The following CFI variants were observed in gnomAD, a reference collection of about 807,000 sequenced individuals.
The protein encoded by CFI is C3B/C4B inactivator.
In CFI, 66 loss-of-function variants were observed where a neutral mutation model predicts 78.8. The observed-to-expected ratio is 0.84, with a 90% CI of 0.69 to 1.03. The LOEUF is 1.03. Ranked by LOEUF, CFI falls within the 50% of genes least tolerant of loss-of-function variation. CFI has a pLI of 0.00. For synonymous variants in CFI, 250 were observed against 232.6 expected, an observed-to-expected ratio of 1.07 and a Z score of -0.68; for missense variants, 706 against 704.5, an observed-to-expected ratio of 1.00 and a Z score of -0.02.
At chr4:109,785,971 A>C (rs1265546853) in intron 1 of CFI, among the ~76,000 whole-genome samples, 1 of 151,830 alleles carries the variant, frequency 6.6e-6, no homozygotes, top group Non-Finnish European at 1.5e-5. Context: ...TTTATAAATT[A>C]CCTAGTCTTG....
intron 1 of CFI, chr4:109,794,022 T>C (rs1731721483): frequency 6.6e-6 from 1 of 152,260 alleles, no homozygotes; most frequent in Admixed American, 6.5e-5. Flanking sequence ...AGAAAGCTGC[T>C]GCTAATCTTA....
At chr4:109,796,267 C>T (rs546799848) in intron 1 of CFI, among the ~76,000 whole-genome samples, 1 of 152,116 alleles carries the variant, frequency 6.6e-6, no homozygotes, top group East Asian at 1.9e-4. Context: ...CCACTGCCAA[C>T]CAAGAATATT....
downstream of CFI, chr4:109,740,552 G>T (rs1723662463): frequency 3.0e-6 from 1 of 337,166 alleles, no homozygotes; most frequent in Admixed American, 4.1e-5. Context: ...ACAATAAATT[G>T]TCCAGGGCAT....
intron 1 of CFI, chr4:109,793,962 T>C (rs573688979): frequency 2.0e-5 from 3 of 152,358 alleles, no homozygotes; most frequent in African/African-American, 7.2e-5. Context: ...GTTGACAGTT[T>C]TTTACTTTCA....
intron 1 of CFI, among the ~76,000 whole-genome samples, chr4:109,775,545 C>G (rs547316763): frequency 1.3e-5 from 2 of 152,222 alleles, no homozygotes. Context: ...GGAGGCCTGC[C>G]TGCCTCTGTA....
intron 1 of CFI, among the ~76,000 whole-genome samples, chr4:109,789,600 A>T (rs1251226785): frequency 6.6e-6 from 1 of 152,128 alleles, no homozygotes; most frequent in Non-Finnish European, 1.5e-5. Context: ...AGGCAAAAGA[A>T]CAACCTTTTT....
At chr4:109,783,003 C>T (rs1370444018) in intron 1 of CFI, among the ~76,000 whole-genome samples, 1 of 152,082 alleles carries the variant, frequency 6.6e-6, no homozygotes, top group Non-Finnish European at 1.5e-5. Flanking sequence ...GGATTCTCAT[C>T]TCTCACCTTA....
chr4:109,760,392 T>A lies in CFI; in HGVS notation c.773-12A>T, dbSNP rs376934552. 6.2e-7 allele frequency: 1 copy of A among 1,604,118 alleles called. No homozygotes were observed. The highest frequency in any genetic ancestry group is 8.5e-7 in the Non-Finnish European group (1 of 1,171,012). On this transcript the variant is annotated splice_polypyrimidine_tract_variant and intron_variant, in intron 5 of 12. Transcript: ENST00000394634. ...TTTGCCTTGGCATGCTGTGCAAACA[T>A]AAGCAGGAGAGGTTTTTTTCATTCC...
Position 109,756,929 on chromosome 4 carries a change from G to GAAAGAAAGAA in CFI, c.904+824_904+833dup, listed in dbSNP as rs1561297757. ...AGAAAGAAAGAAAGAAAGAAAGAAA[G>GAAAGAAAGAA]AAAGAAAGAAAGAAAGAAAGAAAGA... On this transcript the variant is annotated intron_variant, in intron 7 of 12. Transcript: ENST00000394634. Among the ~76,000 whole-genome samples, 12 of 144,352 alleles carry GAAAGAAAGAA rather than the reference G, an allele frequency of 8.3e-5. 1 individual carries two copies. The highest frequency in any genetic ancestry group is 3.1e-4 in the African/African-American group (12 of 38,666). 94.7% of individuals were successfully genotyped at this position (144,352 alleles called of 152,430 possible). A position where few individuals can be genotyped will look rare whatever the true frequency, so the allele number is the denominator to read the frequency against.
chr4:109,792,189 C>T (rs1379502280), intron 1 of CFI, among the ~76,000 whole-genome samples: 1 of 152,156 alleles, frequency 6.6e-6, no homozygotes, highest in Non-Finnish European at 1.5e-5. Context: ...ATTAGGTCTA[C>T]TGGGCTTATA....
Position 109,749,493 on chromosome 4 carries a change from C to T in CFI, c.1044+6G>A. The T allele has an allele frequency of 6.2e-7, 1 of 1,609,960 alleles. No individual in the cohort carries two copies. Among genetic ancestry groups the T allele is most frequent in the Non-Finnish European group, 8.5e-7 (1 of 1,176,186 alleles). On this transcript the variant is annotated splice_donor_region_variant and intron_variant, in intron 9 of 12. Coordinates refer to ENST00000394634, the MANE Select transcript of CFI (RefSeq NM_000204.5). ...AGTTGCATTGTGACTTTTCATGCGA[C>T]TTTACCAGTTGTGCTCGCTTTCCTC... is the stretch of plus-strand genomic sequence containing the variant.
At chr4:109,765,807 G>A (rs984800477) in intron 2 of CFI, among the ~76,000 whole-genome samples, 1 of 152,090 alleles carries the variant, frequency 6.6e-6, no homozygotes, top group Non-Finnish European at 1.5e-5. Flanking sequence ...GGGTTGGGGG[G>A]GACGGCTGTT....
At chr4:109,756,625 G>A (rs978723448) in intron 7 of CFI, among the ~76,000 whole-genome samples, 1 of 151,866 alleles carries the variant, frequency 6.6e-6, no homozygotes, top group Admixed American at 6.6e-5. Flanking sequence ...ACTTTGGGAG[G>A]CCGAGGCAGG....
At chr4:109,796,013 A>G (rs189156000) in intron 1 of CFI, among the ~76,000 whole-genome samples, 1 of 152,364 alleles carries the variant, frequency 6.6e-6, no homozygotes, top group African/African-American at 2.4e-5. Flanking sequence ...CAAAAGGATC[A>G]CAAAGATATC....
chr4:109,749,208 C>T lies in CFI; in HGVS notation c.1148+10G>A. 1 of 1,604,996 alleles carries T rather than the reference C, an allele frequency of 6.2e-7. No individual in the cohort carries two copies. Among genetic ancestry groups the T allele is most frequent in the Non-Finnish European group, 8.5e-7 (1 of 1,171,680 alleles). ...CGGGAAATCTAAAATTTACTGAAGA[C>T]ATCTTTTACCTGAGACAATGTGCAG... On this transcript the variant is annotated intron_variant, in intron 10 of 12. Coordinates refer to ENST00000394634, the MANE Select transcript of CFI (RefSeq NM_000204.5).
chr4:109,751,968 A>G (rs895199254), intron 8 of CFI, among the ~76,000 whole-genome samples: 3 of 152,228 alleles, frequency 2.0e-5, no homozygotes, highest in Admixed American at 6.5e-5. Flanking sequence ...TCTCTAATCA[A>G]TTGCTATCTT....
chr4:109,768,554 C>T (rs551756910), intron 1 of CFI, among the ~76,000 whole-genome samples: 1 of 152,092 alleles, frequency 6.6e-6, no homozygotes, highest in Admixed American at 6.6e-5. Context: ...GCTATTATTA[C>T]CCTGCAGGAC....
intron 3 of CFI, among the ~76,000 whole-genome samples, chr4:109,763,653 TA>T (rs1414443748): frequency 6.6e-6 from 1 of 152,000 alleles, no homozygotes; most frequent in Non-Finnish European, 1.5e-5. Flanking sequence ...GAGAAAGATC[TA>T]AACAGAGCAG....
At chr4:109,732,129 TC>T in the CFI span, among the ~76,000 whole-genome samples, 26 of 152,290 alleles carry the variant, frequency 1.7e-4, no homozygotes, top group African/African-American at 6.3e-4. Context: ...GCCTCTCCTT[TC>T]CCCCACTTTC....
Sources: gnomAD v4.1 joint callset for allele counts (sites outside exome capture counted in the v4.1 genomes callset) on GRCh38, gnomAD v4.1.1 for gene constraint, MANE v1.5 for transcripts, NCBI Gene and HGNC (gene_info 2026-07-23, HGNC 2026-07-21) for gene names.